The following NUDT3 variants were observed in gnomAD, a reference collection of about 807,000 sequenced individuals.
NUDT3 encodes the protein diphosphoinositol polyphosphate phosphohydrolase 1.
NUDT3 carries 9 observed loss-of-function variants against 23.6 expected under a neutral mutation model. The ratio of observed to expected loss-of-function variants is 0.38; its 90% CI spans 0.23 to 0.66. NUDT3 has a LOEUF of 0.66. Among genes scored for constraint, NUDT3 ranks in the 30% least tolerant of loss-of-function variants. The pLI, the probability that NUDT3 is intolerant of heterozygous loss-of-function variation, is 0.52. For synonymous variants in NUDT3, 86 were observed against 82.6 expected, an observed-to-expected ratio of 1.04 and a Z score of -0.22; for missense variants, 172 against 218.5, an observed-to-expected ratio of 0.79 and a Z score of 1.34.
At chr6:34,342,794 C>T (rs1292153259) in intron 1 of NUDT3, among the ~76,000 whole-genome samples, 1 of 152,184 alleles carries the variant, frequency 6.6e-6, no homozygotes, top group Non-Finnish European at 1.5e-5. Context: ...TGATGATGAC[C>T]TGTGAGCCTA....
chr6:34,370,634 C>T (rs1219526897), intron 1 of NUDT3, among the ~76,000 whole-genome samples: 1 of 152,320 alleles, frequency 6.6e-6, no homozygotes, highest in Non-Finnish European at 1.5e-5. Context: ...TCGGACAGAA[C>T]TTGACAAGCT....
In NUDT3 at chr6:34,363,957, G is replaced by C. The variant is rs564660139; in HGVS notation, c.100-21985C>G. 1.4e-4 allele frequency among the ~76,000 whole-genome samples: 22 copies of C among 152,114 alleles called. No homozygotes were observed. In the East Asian group the frequency reaches 4.1e-3, roughly 28 times the overall value. On this transcript the variant is annotated intron_variant, in intron 1 of 4. Coordinates refer to ENST00000607016, the MANE Select transcript of NUDT3 (RefSeq NM_006703.4). ...CCAGCTAATATTTGTATTTTTAGTA[G>C]AGACAGGGTTTCACCACGGTTGTCG...
intron 1 of NUDT3, among the ~76,000 whole-genome samples, chr6:34,368,635 T>G (rs910605037): frequency 1.3e-5 from 2 of 151,942 alleles, no homozygotes; most frequent in East Asian, 3.9e-4. Context: ...AGCTCTGCTT[T>G]TGTTTTGTGT....
chr6:34,392,253 T>C lies in NUDT3; in HGVS notation c.99+11A>G. 6.3e-7 allele frequency: 1 copy of C among 1,580,582 alleles called. No homozygotes were observed. Among genetic ancestry groups the C allele is most frequent in the Non-Finnish European group, 8.5e-7 (1 of 1,169,714 alleles). On this transcript the variant is annotated intron_variant, in intron 1 of 4. Transcript: ENST00000607016. The stretch of plus-strand genomic sequence containing the variant: ...CCCGGCGACCCCGGCCCGCCCAGCC[T>C]GCCGCCTCACCTCCTCCTCGCTCTC...
intron 1 of NUDT3, among the ~76,000 whole-genome samples, chr6:34,391,600 A>G (rs1166419640): frequency 6.6e-6 from 1 of 152,210 alleles, no homozygotes; most frequent in African/African-American, 2.4e-5. Flanking sequence ...TGGTCTTCCC[A>G]ATTAACATGA....
At chr6:34,361,709 A>T (rs1484503327) in intron 1 of NUDT3, among the ~76,000 whole-genome samples, 1 of 152,238 alleles carries the variant, frequency 6.6e-6, no homozygotes, top group African/African-American at 2.4e-5. Context: ...TCAAGCTATG[A>T]AAAGACATAG....
chr6:34,332,710 C>T (rs886263135), intron 2 of NUDT3, among the ~76,000 whole-genome samples: 1 of 152,130 alleles, frequency 6.6e-6, no homozygotes, highest in Non-Finnish European at 1.5e-5. Flanking sequence ...GCTTGAGCAT[C>T]GGCAGATTTT....
intron 2 of NUDT3, among the ~76,000 whole-genome samples, chr6:34,337,346 T>C (rs1764225340): frequency 6.6e-6 from 1 of 152,222 alleles, no homozygotes; most frequent in Admixed American, 6.5e-5. Context: ...TCATATCCCA[T>C]ACTTTATTCC....
intron 2 of NUDT3, among the ~76,000 whole-genome samples, chr6:34,312,996 C>G (rs1366939277): frequency 1.3e-5 from 2 of 151,728 alleles, no homozygotes; most frequent in Admixed American, 1.3e-4. Context: ...GCGAAACCCC[C>G]TCTCTACTAA....
chr6:34,322,396 A>AT (rs1368358493), intron 2 of NUDT3, among the ~76,000 whole-genome samples: 1 of 152,002 alleles, frequency 6.6e-6, no homozygotes, highest in Non-Finnish European at 1.5e-5. Flanking sequence ...CGCACAGCTA[A>AT]TTTTTTGTAT....
intron 2 of NUDT3, among the ~76,000 whole-genome samples, chr6:34,301,391 CTA>C (rs1763594580): frequency 6.6e-6 from 1 of 152,256 alleles, no homozygotes; most frequent in Admixed American, 6.5e-5. Context: ...TTACCCATCC[CTA>C]TATCTAGACT....
At chr6:34,360,962 C>T (rs1764642061) in intron 1 of NUDT3, among the ~76,000 whole-genome samples, 1 of 152,178 alleles carries the variant, frequency 6.6e-6, no homozygotes, top group African/African-American at 2.4e-5. Context: ...GTAGCTCATA[C>T]TTATAATCCT....
chr6:34,386,404 T>C (rs562716482), intron 1 of NUDT3, among the ~76,000 whole-genome samples: 13 of 152,332 alleles, frequency 8.5e-5, no homozygotes, highest in African/African-American at 3.1e-4. Flanking sequence ...GGTCTGTTTG[T>C]TCTTCCATCT....
intron 2 of NUDT3, among the ~76,000 whole-genome samples, chr6:34,304,622 T>C (rs1406090155): frequency 6.6e-6 from 1 of 152,024 alleles, no homozygotes; most frequent in Non-Finnish European, 1.5e-5. Flanking sequence ...TAAGGACTAA[T>C]GATCTATGTG....
chr6:34,310,648 C>T (rs576973269), intron 2 of NUDT3, among the ~76,000 whole-genome samples: 1 of 152,190 alleles, frequency 6.6e-6, no homozygotes, highest in Non-Finnish European at 1.5e-5. Flanking sequence ...TACACCAATT[C>T]TCTACAATTT....
chr6:34,305,400 T>C (rs1344181996), intron 2 of NUDT3, among the ~76,000 whole-genome samples: 2 of 152,236 alleles, frequency 1.3e-5, no homozygotes, highest in Non-Finnish European at 2.9e-5. Flanking sequence ...ACCTCTATTA[T>C]AAATCTGTGG....
At chr6:34,330,455 C>T (rs1764110790) in intron 2 of NUDT3, among the ~76,000 whole-genome samples, 1 of 152,114 alleles carries the variant, frequency 6.6e-6, no homozygotes, top group South Asian at 2.1e-4. Context: ...AGAAGATACA[C>T]ATTTTTTAAA....
chr6:34,311,872 T>C (rs1763778950), intron 2 of NUDT3, among the ~76,000 whole-genome samples: 1 of 152,136 alleles, frequency 6.6e-6, no homozygotes, highest in Non-Finnish European at 1.5e-5. Context: ...GCCATCCACA[T>C]GCAGAAAAAT....
chr6:34,386,023 A>G (rs1033858960), intron 1 of NUDT3, among the ~76,000 whole-genome samples: 1 of 152,222 alleles, frequency 6.6e-6, no homozygotes, highest in Non-Finnish European at 1.5e-5. Context: ...GTTAAGTTGC[A>G]CAATTACAAT....
Sources: gnomAD v4.1 joint callset for allele counts (sites outside exome capture counted in the v4.1 genomes callset) on GRCh38, gnomAD v4.1.1 for gene constraint, MANE v1.5 for transcripts, NCBI Gene and HGNC (gene_info 2026-07-23, HGNC 2026-07-21) for gene names.